Variants in HTR2C observed in about 807,000 individuals in gnomAD.
The protein encoded by HTR2C is 5-hydroxytryptamine (serotonin) receptor 2C, G protein-coupled.
In HTR2C, 5 loss-of-function variants were observed where a neutral mutation model predicts 21.0. The ratio of observed to expected loss-of-function variants is 0.24; its 90% CI spans 0.12 to 0.50. The LOEUF is 0.50. Among genes scored for constraint, HTR2C ranks in the 20% least tolerant of loss-of-function variants. The pLI, the probability that HTR2C is intolerant of heterozygous loss-of-function variation, is 0.98. For synonymous variants in HTR2C, 150 were observed against 145.3 expected, an observed-to-expected ratio of 1.03 and a Z score of -0.23; for missense variants, 271 against 371.2, an observed-to-expected ratio of 0.73 and a Z score of 2.22.
chrX:114,895,764 G>T (rs1351580922), intron 5 of HTR2C, among the ~76,000 whole-genome samples: 2 of 111,342 alleles, frequency 1.8e-5, no homozygotes, highest in Non-Finnish European at 3.8e-5. Context: ...GAGGCGGGCG[G>T]ATCACATGAG....
At chrX:114,630,825 C>T (rs1207012784) in intron 2 of HTR2C, 1 of 369,751 alleles carries the variant, frequency 2.7e-6, no homozygotes, top group East Asian at 7.5e-5. Flanking sequence ...CATTGGGCTC[C>T]ATCTTGACCA....
rs782047556 is a variant in HTR2C, at chrX:114,668,109, T to A, written c.-80+54228T>A. On this transcript the variant is annotated intron_variant, in intron 2 of 5. Coordinates refer to ENST00000276198, the MANE Select transcript of HTR2C (RefSeq NM_000868.4). Reference sequence around the variant, plus strand: ...TCTACAACACAAATATACCTTTGATTTACTAAGCCAAGTAAAAAATGGAAG... The same window carrying A: ...TCTACAACACAAATATACCTTTGATATACTAAGCCAAGTAAAAAATGGAAG... Among the ~76,000 whole-genome samples the A allele has an allele frequency of 5.2e-4, 58 of 111,747 alleles. No homozygotes were observed. In the Admixed American group the frequency reaches 5.5e-3, roughly 11 times the overall value.
intron 4 of HTR2C, among the ~76,000 whole-genome samples, chrX:114,833,517 G>GT (rs1346357894): frequency 9.0e-6 from 1 of 111,359 alleles, no homozygotes; most frequent in Non-Finnish European, 1.9e-5. Context: ...TCTGATGGTA[G>GT]TTTGTATTTC....
intron 2 of HTR2C, among the ~76,000 whole-genome samples, chrX:114,674,737 A>T (rs1931494311): frequency 8.9e-6 from 1 of 111,826 alleles, no homozygotes; most frequent in Admixed American, 9.6e-5. Flanking sequence ...GACAGGTATT[A>T]TAGTCACTCA....
intron 2 of HTR2C, among the ~76,000 whole-genome samples, chrX:114,726,095 C>T (rs1196587952): frequency 5.3e-5 from 6 of 112,216 alleles, no homozygotes; most frequent in Admixed American, 1.9e-4. Flanking sequence ...TGGGCAATGG[C>T]GGGCGCCCCT....
chrX:114,607,320 G>A (rs1928503730), intron 1 of HTR2C, among the ~76,000 whole-genome samples: 1 of 111,676 alleles, frequency 9.0e-6, no homozygotes, highest in African/African-American at 3.3e-5. Flanking sequence ...GATAAAGAAG[G>A]TGTGGAGTTT....
chrX:114,695,621 C>A (rs1314613701), intron 2 of HTR2C, among the ~76,000 whole-genome samples: 1 of 111,577 alleles, frequency 9.0e-6, no homozygotes, highest in Non-Finnish European at 1.9e-5. Flanking sequence ...TTTTGAAGAG[C>A]CATGAATTTT....
At chrX:114,868,372 A>G (rs1478862350) in intron 5 of HTR2C, among the ~76,000 whole-genome samples, 1 of 109,927 alleles carries the variant, frequency 9.1e-6, no homozygotes. Context: ...AGGGTGACTC[A>G]TGTCAAAAAC....
At chrX:114,604,193 G>C (rs1928283917) in intron 1 of HTR2C, among the ~76,000 whole-genome samples, 1 of 109,591 alleles carries the variant, frequency 9.1e-6, no homozygotes, top group African/African-American at 3.3e-5. Context: ...CTTTGGATTG[G>C]GAAGAAGGGC....
At chrX:114,744,935 T>G (rs2069687952) in intron 4 of HTR2C, among the ~76,000 whole-genome samples, 1 of 112,023 alleles carries the variant, frequency 8.9e-6, no homozygotes, top group South Asian at 3.7e-4. Context: ...AATGAACCAA[T>G]TCTCTTAAAC....
At chrX:114,887,242 T>C (rs113535685) in intron 5 of HTR2C, among the ~76,000 whole-genome samples, 370 of 111,810 alleles carry the variant, frequency 3.3e-3, no homozygotes, top group African/African-American at 0.011. Context: ...GAAGTTGTAA[T>C]GCTTTCTGCA....
At chrX:114,775,220 G>A (rs2070044849) in intron 4 of HTR2C, 1 of 520,149 alleles carries the variant, frequency 1.9e-6, no homozygotes, top group Non-Finnish European at 3.5e-6. Context: ...CGGACCATAT[G>A]TTCATGTCTT....
chrX:114,800,779 C>A (rs1348751315), intron 4 of HTR2C, among the ~76,000 whole-genome samples: 1 of 111,513 alleles, frequency 9.0e-6, no homozygotes, highest in Non-Finnish European at 1.9e-5. Context: ...GCTTAGAAAT[C>A]AACTCACAGT....
chrX:114,879,282 TTAATA>T (rs1195148884), intron 5 of HTR2C, among the ~76,000 whole-genome samples: 2 of 108,615 alleles, frequency 1.8e-5, no homozygotes, highest in Non-Finnish European at 3.8e-5. Flanking sequence ...TTGTCTGAAA[TTAATA>T]TACATACTAT....
intron 4 of HTR2C, among the ~76,000 whole-genome samples, chrX:114,810,593 A>G (rs979574733): frequency 4.6e-5 from 5 of 109,284 alleles, no homozygotes; most frequent in Non-Finnish European, 5.7e-5. Context: ...CAACAAGCAT[A>G]CAGATTCTTT....
chrX:114,782,560 A>G (rs2070130729), intron 4 of HTR2C, among the ~76,000 whole-genome samples: 1 of 110,481 alleles, frequency 9.1e-6, no homozygotes, highest in African/African-American at 3.3e-5. Context: ...CCACAAAAAA[A>G]TTAAAAGATT....
Position 114,907,728 on chromosome X carries a change from A to C in HTR2C, c.*313A>C, listed in dbSNP as rs199557661. ...CTTCCTTTCTCTCTTTCTTTTGTGCATATGGCAACGTTCATGTTCATCTCA... is the reference window on the plus strand; with the variant it reads ...CTTCCTTTCTCTCTTTCTTTTGTGCCTATGGCAACGTTCATGTTCATCTCA... On this transcript the variant is annotated 3_prime_UTR_variant, in exon 6 of 6. Transcript: ENST00000276198. 9.8e-6 allele frequency: 2 copies of C among 204,864 alleles called. No homozygotes were observed. Among genetic ancestry groups the C allele is most frequent in the East Asian group, 8.9e-5 (1 of 11,231 alleles). The allele number at this position is 204,864 out of a possible 1,213,427, so 16.9% of individuals were successfully genotyped here. A position where few individuals can be genotyped will look rare whatever the true frequency, so the allele number is the denominator to read the frequency against.
At chrX:114,751,764 A>G in intron 4 of HTR2C, among the ~76,000 whole-genome samples, 1 of 111,375 alleles carries the variant, frequency 9.0e-6, no homozygotes, top group Middle Eastern at 4.6e-3. Flanking sequence ...TCTTGCTTCC[A>G]TAAATATATA....
intron 2 of HTR2C, among the ~76,000 whole-genome samples, chrX:114,629,330 C>A (rs782499614): frequency 1.8e-5 from 2 of 111,812 alleles, no homozygotes; most frequent in East Asian, 5.6e-4. Context: ...TCCTCCTCTT[C>A]ATTTTTTAAA....
Sources: allele counts gnomAD v4.1 joint callset (sites outside exome capture counted in the v4.1 genomes callset), GRCh38; gene constraint gnomAD v4.1.1; transcripts MANE v1.5; gene names NCBI Gene and HGNC (gene_info 2026-07-23, HGNC 2026-07-21).